Variants in CELF1 observed in about 807,000 individuals in gnomAD.
CELF1 encodes the protein 50 kDa nuclear polyadenylated RNA-binding protein.
A neutral mutation model predicts 61.8 loss-of-function variants in CELF1; 10 were observed. The observed-to-expected ratio is 0.16, with a 90% CI of 0.10 to 0.27. The LOEUF is 0.27. CELF1 is among the 10% of genes least tolerant of loss of function. The probability of loss-of-function intolerance (pLI) is 1.00; values close to 1 mark genes in which losing one functional copy is unlikely to be tolerated. For synonymous variants in CELF1, 236 were observed against 225.1 expected (o/e 1.05, Z -0.43); for missense variants, 380 against 639.1 (o/e 0.59, Z 4.37).
chr11:47,472,599 G>C (rs2078124234), intron 14 of CELF1, among the ~76,000 whole-genome samples: 1 of 152,136 alleles, frequency 6.6e-6, no homozygotes, highest in African/African-American at 2.4e-5. Context: ...CTGTCACCCA[G>C]GGTGGAGTAC....
chr11:47,511,607 A>T (rs2095177248), intron 1 of CELF1, among the ~76,000 whole-genome samples: 1 of 152,250 alleles, frequency 6.6e-6, no homozygotes, highest in Admixed American at 6.5e-5. Context: ...GGCAATAAGT[A>T]CGAGCTAACA....
chr11:47,537,358 C>T (rs1275347992), intron 1 of CELF1, among the ~76,000 whole-genome samples: 1 of 151,698 alleles, frequency 6.6e-6, no homozygotes, highest in African/African-American at 2.4e-5. Flanking sequence ...AGCAATTCTC[C>T]TGCCTCAGCC....
At chr11:47,474,152 C>T (rs1398553612) in intron 13 of CELF1, among the ~76,000 whole-genome samples, 1 of 152,200 alleles carries the variant, frequency 6.6e-6, no homozygotes, top group African/African-American at 2.4e-5. Context: ...CTGCCTTGGC[C>T]TCTCAAAGTG....
At chr11:47,539,038 A>T (rs1349368900) in intron 1 of CELF1, among the ~76,000 whole-genome samples, 5 of 152,144 alleles carry the variant, frequency 3.3e-5, no homozygotes, top group Admixed American at 3.3e-4. Flanking sequence ...TTTTAAGAGG[A>T]AACAATCAGG....
intron 1 of CELF1, among the ~76,000 whole-genome samples, chr11:47,520,823 C>T (rs890013970): frequency 6.6e-6 from 1 of 151,606 alleles, no homozygotes; most frequent in East Asian, 2.0e-4. Context: ...CGCTCCCCCC[C>T]GACCCAAAAA....
chr11:47,510,279 T>C (rs1011957260), intron 1 of CELF1, among the ~76,000 whole-genome samples: 2 of 152,208 alleles, frequency 1.3e-5, no homozygotes, highest in Non-Finnish European at 2.9e-5. Flanking sequence ...TCTTTATTCT[T>C]AGTGTTTTCT....
At chr11:47,533,392 C>A (rs2096538390) in intron 1 of CELF1, among the ~76,000 whole-genome samples, 1 of 152,098 alleles carries the variant, frequency 6.6e-6, no homozygotes, top group Non-Finnish European at 1.5e-5. Context: ...GAGGCCAAGG[C>A]AGGCAGATTG....
chr11:47,476,675 C>G (rs929033283), intron 12 of CELF1, among the ~76,000 whole-genome samples, 171 bp downstream of exon 12: 1 of 152,182 alleles, frequency 6.6e-6, no homozygotes, highest in Non-Finnish European at 1.5e-5. Flanking sequence ...ATTCGCCCAC[C>G]TTGACCTCCC....
intron 10 of CELF1, 84 bp from the exon 11 acceptor site, chr11:47,477,509 G>A: frequency 6.9e-7 from 1 of 1,442,974 alleles, no homozygotes; most frequent in Non-Finnish European, 9.6e-7. Context: ...CACTGGCAGA[G>A]GGCTGGTCCC....
chr11:47,511,962 C>T (rs767947166), intron 1 of CELF1, among the ~76,000 whole-genome samples: 2 of 152,018 alleles, frequency 1.3e-5, no homozygotes, highest in Admixed American at 6.6e-5. Context: ...GCTTCTTGTG[C>T]CTCAGCCTCC....
intron 1 of CELF1, chr11:47,506,826 C>T (rs960027781): frequency 6.6e-6 from 1 of 152,240 alleles, no homozygotes; most frequent in Non-Finnish European, 1.5e-5. Flanking sequence ...AAGATAGCCA[C>T]GGAGCACACC....
At chr11:47,549,806 T>C (rs1006136085) in intron 1 of CELF1, among the ~76,000 whole-genome samples, 1 of 147,152 alleles carries the variant, frequency 6.8e-6, no homozygotes, top group Non-Finnish European at 1.5e-5. Flanking sequence ...TAGTAAATGT[T>C]GTGGGTTTTT....
chr11:47,504,088 G>A (rs2094239197), intron 1 of CELF1, among the ~76,000 whole-genome samples: 1 of 152,066 alleles, frequency 6.6e-6, no homozygotes, highest in Admixed American at 6.5e-5. Flanking sequence ...GGCAGGAGGA[G>A]TGACTGGGCC....
chr11:47,548,602 A>C (rs957582294), intron 1 of CELF1, among the ~76,000 whole-genome samples: 2 of 152,170 alleles, frequency 1.3e-5, no homozygotes, highest in African/African-American at 4.8e-5. Flanking sequence ...GCGGTGGCTC[A>C]CATCTGTAAT....
At chr11:47,509,026 C>G (rs1243052071) in intron 1 of CELF1, among the ~76,000 whole-genome samples, 1 of 152,216 alleles carries the variant, frequency 6.6e-6, no homozygotes, top group East Asian at 1.9e-4. Flanking sequence ...ACCTCCGCCT[C>G]CCAATGTGCT....
chr11:47,555,045 G>A (rs1368250740), upstream of CELF1, among the ~76,000 whole-genome samples: 1 of 152,156 alleles, frequency 6.6e-6, no homozygotes, highest in Non-Finnish European at 1.5e-5. Flanking sequence ...AACTTCATGA[G>A]GATAGAGGTT....
At chr11:47,527,939 T>C (rs2096309121) in intron 1 of CELF1, among the ~76,000 whole-genome samples, 1 of 151,860 alleles carries the variant, frequency 6.6e-6, no homozygotes, top group Non-Finnish European at 1.5e-5. Context: ...CTACTAAAAA[T>C]ACAAAAATTA....
rs1025443511 is a variant in CELF1 at position 47,472,426 on chromosome 11, C to G, written c.1418-69G>C. ...AAGGAGATTCTCAGTCCTCCTTATG[C>G]AAGATACCTTATGTGCTTCATCTCA... On this transcript the variant is annotated intron_variant, in intron 14 of 14. Coordinates refer to ENST00000687097, the MANE Select transcript of CELF1 (RefSeq NM_001376376.1). 5.2e-6 allele frequency: 8 copies of G among 1,536,104 alleles called. No homozygotes were observed. The African/African-American group carries it at 9.5e-5, about 18-fold the overall frequency.
chr11:47,549,372 C>T lies in CELF1; in HGVS notation c.-154+3620G>A, dbSNP rs559587420. Among the ~76,000 whole-genome samples, 33 of 152,314 alleles carry T rather than the reference C, an allele frequency of 2.2e-4. No individual in the cohort carries two copies. The South Asian group carries it at 6.4e-3, about 30-fold the overall frequency. ...AGAGGCTGGAATACCTATTTGCACACCTAGTCACATTAGCACTATTCACAA... is the reference window on the plus strand; with the variant it reads ...AGAGGCTGGAATACCTATTTGCACATCTAGTCACATTAGCACTATTCACAA... On this transcript the variant is annotated intron_variant, in intron 1 of 14. Transcript: ENST00000687097.
Sources: gnomAD v4.1 joint callset for allele counts (sites outside exome capture counted in the v4.1 genomes callset) on GRCh38, gnomAD v4.1.1 for gene constraint, MANE v1.5 for transcripts, NCBI Gene and HGNC (gene_info 2026-07-23, HGNC 2026-07-21) for gene names.